Variants in THADA observed in about 807,000 individuals in gnomAD.
The protein encoded by THADA is tRNA (32-2'-O)-methyltransferase regulator THADA.
THADA carries 213 observed loss-of-function variants against 219.8 expected under a neutral mutation model. The observed-to-expected ratio is 0.97, with a 90% CI of 0.87 to 1.09. The LOEUF is 1.09. Among genes scored for constraint, THADA ranks in the 50% least tolerant of loss-of-function variants. The pLI, the probability that THADA is intolerant of heterozygous loss-of-function variation, is 0.00. For missense variants in THADA, 2,956 were observed against 2,311.3 expected, an observed-to-expected ratio of 1.28 and a Z score of -5.72; for synonymous variants, 1,018 against 828.9, an observed-to-expected ratio of 1.23 and a Z score of -3.92.
intron 15 of THADA, chr2:43,565,880 G>T (rs1340909984): frequency 1.3e-5 from 2 of 152,536 alleles, no homozygotes; most frequent in Non-Finnish European, 2.9e-5. Flanking sequence ...GAGGTCAGGA[G>T]ATCGAGACCA....
intron 26 of THADA, among the ~76,000 whole-genome samples, chr2:43,478,788 T>C (rs1685840778): frequency 1.3e-5 from 2 of 152,208 alleles, no homozygotes; most frequent in Non-Finnish European, 2.9e-5. Flanking sequence ...CATGAAAACA[T>C]TTCTTTTGAA....
At chr2:43,386,858 A>T (rs1413278392) in intron 29 of THADA, among the ~76,000 whole-genome samples, 2 of 149,610 alleles carry the variant, frequency 1.3e-5, no homozygotes, top group Non-Finnish European at 3.0e-5. Flanking sequence ...AGAGCATGCC[A>T]CTGCACTCTC....
At chr2:43,552,904 C>T (rs1314187263) in intron 17 of THADA, among the ~76,000 whole-genome samples, 4 of 152,038 alleles carry the variant, frequency 2.6e-5, no homozygotes, top group Admixed American at 1.3e-4. Context: ...TTGTATGATT[C>T]CATTTATGAT....
At chr2:43,572,562 T>G (rs1220665990) in intron 12 of THADA, among the ~76,000 whole-genome samples, 2 of 152,212 alleles carry the variant, frequency 1.3e-5, no homozygotes, top group Non-Finnish European at 2.9e-5. Context: ...CATGATGGCA[T>G]GCTTGTATCT....
chr2:43,417,867 CT>C (rs1035631497), intron 28 of THADA, among the ~76,000 whole-genome samples: 1 of 152,224 alleles, frequency 6.6e-6, no homozygotes, highest in African/African-American at 2.4e-5. Context: ...CATTCCCCCC[CT>C]CTGTGGAATG....
At chr2:43,276,170 G>T (rs1672702978) in intron 36 of THADA, among the ~76,000 whole-genome samples, 2 of 152,142 alleles carry the variant, frequency 1.3e-5, no homozygotes, top group Admixed American at 1.3e-4. Context: ...TTAAGTCCTG[G>T]AAATGTCATT....
At chr2:43,369,801 C>T (rs1670593029) in intron 29 of THADA, among the ~76,000 whole-genome samples, 1 of 152,164 alleles carries the variant, frequency 6.6e-6, no homozygotes, top group Non-Finnish European at 1.5e-5. Flanking sequence ...GACATATAGC[C>T]AAATGACTTA....
At chr2:43,293,291 G>C in intron 31 of THADA, 78 bp from the exon 32 acceptor site, 10 of 1,481,596 alleles carry the variant, frequency 6.7e-6, no homozygotes, top group South Asian at 1.3e-5. Flanking sequence ...AATGAAGACT[G>C]AATCCACTGC....
intron 28 of THADA, chr2:43,408,263 C>A (rs1349606297): frequency 6.6e-6 from 1 of 152,170 alleles, no homozygotes; most frequent in East Asian, 1.9e-4. Context: ...CTGATCACCT[C>A]AGGTCAAATC....
intron 26 of THADA, among the ~76,000 whole-genome samples, chr2:43,469,264 G>C (rs1043092841): frequency 1.3e-5 from 2 of 152,186 alleles, no homozygotes; most frequent in Admixed American, 6.5e-5. Context: ...GGCTTGATTA[G>C]AGTGTGTTTA....
intron 35 of THADA, among the ~76,000 whole-genome samples, chr2:43,280,834 C>A (rs951648826): frequency 6.6e-5 from 10 of 152,134 alleles, no homozygotes; most frequent in African/African-American, 2.4e-4. Context: ...TTGTCCTGAG[C>A]AATCAAAAGG....
chr2:43,340,214 C>T lies in THADA; in HGVS notation c.4343+3908G>A, dbSNP rs116351341. On this transcript the variant is annotated intron_variant, in intron 30 of 37. Coordinates refer to ENST00000405975, the MANE Select transcript of THADA (RefSeq NM_022065.5). ...CTTGAAGGATTAATGAGCTGATTTC[C>T]ATTAAGGCTTTGACATCCTGGAATG... Among the ~76,000 whole-genome samples, 687 of 152,304 alleles carry T rather than the reference C, an allele frequency of 4.5e-3. 4 individuals are homozygous for T. The highest frequency in any genetic ancestry group is 0.016 in the African/African-American group (654 of 41,574).
rs746388936 is a variant in THADA, at chr2:43,231,131, A to C, written c.5679T>G (p.Ala1893=). The C allele has an allele frequency of 1.2e-6, 2 of 1,613,812 alleles. No homozygotes were observed. The highest frequency in any genetic ancestry group is 1.3e-5 in the African/African-American group (1 of 74,934). Residue 1893 remains alanine (A), a synonymous_variant, in exon 38 of 38, where the codon GCT becomes GCG. Transcript: ENST00000405975. ...TGAACTCCACTGTCTTCACAAACTC[A>C]GCAGCTGGTGGAAGCTCTCTGAAGA... is the stretch of plus-strand genomic sequence containing the variant. ...SQFFRELPPA[A]EFVKTVEFTR... is the part of the protein sequence containing the mutation.
chr2:43,547,695 G>A (rs568255761), intron 20 of THADA, among the ~76,000 whole-genome samples: 3 of 152,134 alleles, frequency 2.0e-5, no homozygotes, highest in East Asian at 3.9e-4. Flanking sequence ...CGTAGTTCTC[G>A]AGCCTTGGCT....
intron 36 of THADA, among the ~76,000 whole-genome samples, chr2:43,267,269 T>C (rs1434843789): frequency 1.3e-5 from 2 of 152,278 alleles, no homozygotes; most frequent in African/African-American, 4.8e-5. Context: ...AAGGAAGGTC[T>C]GTTGATTTTA....
rs539798216 is a variant in THADA at position 43,400,457 on chromosome 2, T to TTATATATATATATATATATA, written c.4059-2338_4059-2319dup. The stretch of plus-strand genomic sequence containing the variant: ...TGGAAAGATTAGATCATAGACAAAT[T>TTATATATATATATATATATA]TATATATATATATATATATAAATAT... On this transcript the variant is annotated intron_variant, in intron 28 of 37. Transcript: ENST00000405975. 3.1e-3 allele frequency among the ~76,000 whole-genome samples: 275 copies of TTATATATATATATATATATA among 89,854 alleles called. 4 individuals carry two copies. Among genetic ancestry groups the TTATATATATATATATATATA allele is most frequent in the Middle Eastern group, 0.013 (2 of 156 alleles). The allele number at this position is 89,854 out of a possible 152,430, so 58.9% of individuals were successfully genotyped here. A position where few individuals can be genotyped will look rare whatever the true frequency, so the allele number is the denominator to read the frequency against.
intron 28 of THADA, among the ~76,000 whole-genome samples, chr2:43,422,533 G>T (rs2104794232): frequency 6.6e-6 from 1 of 152,294 alleles, no homozygotes; most frequent in South Asian, 2.1e-4. Flanking sequence ...ACAGTGTCAT[G>T]CTGCTTTCTC....
At chr2:43,373,458 T>C (rs761584688) in intron 29 of THADA, among the ~76,000 whole-genome samples, 107 of 152,186 alleles carry the variant, frequency 7.0e-4, no homozygotes, top group Non-Finnish European at 1.1e-3. Context: ...AATTAATAGC[T>C]TGTAATAAAT....
chr2:43,305,911 C>CCCTTT (rs903785408), intron 31 of THADA, among the ~76,000 whole-genome samples: 8 of 152,000 alleles, frequency 5.3e-5, no homozygotes, highest in East Asian at 1.9e-4. Flanking sequence ...TTCTCCTTTC[C>CCCTTT]CCTTTCCTTT....
Sources: gnomAD v4.1 joint callset for allele counts (sites outside exome capture counted in the v4.1 genomes callset) on GRCh38, gnomAD v4.1.1 for gene constraint, MANE v1.5 for transcripts, NCBI Gene and HGNC (gene_info 2026-07-23, HGNC 2026-07-21) for gene names.